The following CADM1 variants were observed in gnomAD, a reference collection of about 807,000 sequenced individuals.
CADM1 encodes cell adhesion molecule 1.
A neutral mutation model predicts 53.1 loss-of-function variants in CADM1; 15 were observed. That is an observed-to-expected ratio of 0.28 (90% CI 0.19 to 0.44). CADM1 has a LOEUF of 0.44. CADM1 is among the 20% of genes least tolerant of loss of function. The probability of loss-of-function intolerance (pLI) is 1.00; values close to 1 mark genes in which losing one functional copy is unlikely to be tolerated. For synonymous variants in CADM1, 281 were observed against 243.0 expected, an observed-to-expected ratio of 1.16 and a Z score of -1.45; for missense variants, 434 against 611.3, an observed-to-expected ratio of 0.71 and a Z score of 3.06.
At chr11:115,320,572 G>T (rs900561424) in intron 1 of CADM1, among the ~76,000 whole-genome samples, 1 of 152,000 alleles carries the variant, frequency 6.6e-6, no homozygotes, top group East Asian at 1.9e-4. Context: ...TTATAAACCA[G>T]TATTAACTAA....
At chr11:115,465,793 G>T (rs1348845861) in intron 1 of CADM1, among the ~76,000 whole-genome samples, 2 of 151,086 alleles carry the variant, frequency 1.3e-5, no homozygotes, top group African/African-American at 2.4e-5. Context: ...CTTTTTACAG[G>T]CAGGAAAAGT....
At chr11:115,211,783 C>A (rs1940979049) in intron 7 of CADM1, among the ~76,000 whole-genome samples, 1 of 152,034 alleles carries the variant, frequency 6.6e-6, no homozygotes, top group South Asian at 2.1e-4. Context: ...GCCACCACGC[C>A]CAGCCTATAA....
Position 115,176,555 on chromosome 11 carries a change from G to A in CADM1, c.1335C>T (p.Asp445=), listed in dbSNP as rs750612978. The part of the protein sequence containing the change: ...YFTHEAKGAD[D]AADADTAIIN... ...TTATAGCTGTGTCTGCGTCTGCTGC[G>A]TCATCGGCTCCTTTGGCTTCATGAG... is the stretch of plus-strand genomic sequence containing the variant. Residue 445 remains aspartate, a synonymous_variant, in exon 12 of 12, where the codon GAC becomes GAT. Transcript: ENST00000331581. 17 of 1,613,932 alleles carry A rather than the reference G, an allele frequency of 1.1e-5. No homozygotes were observed. Among genetic ancestry groups the A allele is most frequent in the Middle Eastern group, 1.6e-4 (1 of 6,084 alleles).
At chr11:115,241,469 GGA>G (rs970867977) in intron 1 of CADM1, among the ~76,000 whole-genome samples, 2 of 152,148 alleles carry the variant, frequency 1.3e-5, no homozygotes, top group African/African-American at 4.8e-5. Flanking sequence ...ATTGGGAAGG[GGA>G]GAGAGAGAGA....
At chr11:115,294,101 T>C (rs888659919) in intron 1 of CADM1, among the ~76,000 whole-genome samples, 2 of 152,178 alleles carry the variant, frequency 1.3e-5, no homozygotes. Context: ...GTGCAGGTAA[T>C]AACCAGGACA....
chr11:115,431,808 A>C (rs1408858949), intron 1 of CADM1, among the ~76,000 whole-genome samples: 1 of 152,006 alleles, frequency 6.6e-6, no homozygotes, highest in Admixed American at 6.6e-5. Context: ...GATCAGATCA[A>C]ATGCTTTTGG....
At chr11:115,415,632 T>C (rs1179003583) in intron 1 of CADM1, among the ~76,000 whole-genome samples, 1 of 151,296 alleles carries the variant, frequency 6.6e-6, no homozygotes, top group Non-Finnish European at 1.5e-5. Flanking sequence ...AGGTCAGGAG[T>C]TCGAGACCAG....
chr11:115,223,727 A>C (rs1941489721), intron 5 of CADM1, among the ~76,000 whole-genome samples: 1 of 152,168 alleles, frequency 6.6e-6, no homozygotes, highest in Admixed American at 6.5e-5. Context: ...GGTACTGCAG[A>C]TTGTATCACT....
intron 1 of CADM1, among the ~76,000 whole-genome samples, chr11:115,248,896 T>C (rs1376337648): frequency 6.6e-6 from 1 of 152,194 alleles, no homozygotes; most frequent in African/African-American, 2.4e-5. Context: ...CTGCTAAATC[T>C]GCTTAGAGGC....
chr11:115,333,194 C>G (rs1249510782), intron 1 of CADM1, among the ~76,000 whole-genome samples: 1 of 152,124 alleles, frequency 6.6e-6, no homozygotes, highest in Non-Finnish European at 1.5e-5. Context: ...TAGCCTCCTA[C>G]TCCCCTAAAA....
chr11:115,202,752 T>C (rs1453414625), intron 8 of CADM1, among the ~76,000 whole-genome samples: 1 of 152,032 alleles, frequency 6.6e-6, no homozygotes, highest in Non-Finnish European at 1.5e-5. Context: ...GTTATGGAGG[T>C]GCTTTAAATC....
At chr11:115,465,789 A>C (rs61905846) in intron 1 of CADM1, among the ~76,000 whole-genome samples, 42,015 of 151,926 alleles carry the variant, frequency 0.28, 6,555 homozygotes, top group Non-Finnish European at 0.37. Flanking sequence ...ATAACTTTTT[A>C]CAGGCAGGAA....
chr11:115,199,303 G>A (rs1940310653), intron 8 of CADM1, among the ~76,000 whole-genome samples: 1 of 152,212 alleles, frequency 6.6e-6, no homozygotes, highest in South Asian at 2.1e-4. Flanking sequence ...CATTCTGAGG[G>A]GCTGGGAGTC....
chr11:115,251,265 G>A (rs1336559042), intron 1 of CADM1, among the ~76,000 whole-genome samples: 1 of 152,222 alleles, frequency 6.6e-6, no homozygotes, highest in Non-Finnish European at 1.5e-5. Flanking sequence ...AAATGTGGCT[G>A]TAATAGCAGT....
At chr11:115,394,790 G>A (rs187481761) in intron 1 of CADM1, among the ~76,000 whole-genome samples, 30 of 152,158 alleles carry the variant, frequency 2.0e-4, no homozygotes, top group Admixed American at 1.0e-3. Context: ...ACATGACTTT[G>A]TTTTATAGTC....
chr11:115,468,058 G>A (rs1257469714), intron 1 of CADM1, among the ~76,000 whole-genome samples: 1 of 152,170 alleles, frequency 6.6e-6, no homozygotes, highest in Non-Finnish European at 1.5e-5. Flanking sequence ...TATAGAAAAA[G>A]ATGTAATAAA....
At chr11:115,460,890 A>C (rs1948781353) in intron 1 of CADM1, among the ~76,000 whole-genome samples, 1 of 152,068 alleles carries the variant, frequency 6.6e-6, no homozygotes, top group South Asian at 2.1e-4. Flanking sequence ...TGTTCCTTTC[A>C]AGTACGGATT....
chr11:115,487,546 T>TA (rs1436101495), intron 1 of CADM1, among the ~76,000 whole-genome samples: 1 of 152,138 alleles, frequency 6.6e-6, no homozygotes, highest in African/African-American at 2.4e-5. Flanking sequence ...CATTTTCGGT[T>TA]AAAAAAGGTG....
intron 1 of CADM1, among the ~76,000 whole-genome samples, chr11:115,457,220 C>T (rs1005921271): frequency 3.3e-5 from 5 of 152,180 alleles, no homozygotes; most frequent in African/African-American, 9.6e-5. Context: ...GAGTCAGAAT[C>T]CAAATCCAGT....
Sources: gnomAD v4.1 joint callset for allele counts (sites outside exome capture counted in the v4.1 genomes callset) on GRCh38, gnomAD v4.1.1 for gene constraint, MANE v1.5 for transcripts, NCBI Gene and HGNC (gene_info 2026-07-23, HGNC 2026-07-21) for gene names.